ZNF331: variants seen among roughly 807,000 people sequenced by gnomAD.
The protein encoded by ZNF331 is zinc finger protein 331.
Under a neutral mutation model 7.0 loss-of-function variants are expected in ZNF331, and 2 were observed. That is an observed-to-expected ratio of 0.29 (90% CI 0.12 to 0.90). ZNF331 has a LOEUF of 0.90. Ranked by LOEUF, ZNF331 falls within the 40% of genes least tolerant of loss-of-function variation. The pLI, the probability that ZNF331 is intolerant of heterozygous loss-of-function variation, is 0.58. For synonymous variants in ZNF331, 196 were observed against 205.4 expected (o/e 0.95, Z 0.39); for missense variants, 432 against 587.7 (o/e 0.74, Z 2.74).
rs1052577637 is a variant in ZNF331 at position 53,576,785 on chromosome 19, A to T, written c.225A>T (p.Arg75Ser). 1.9e-5 allele frequency: 30 copies of T among 1,613,992 alleles called. No homozygotes were observed. The highest frequency in any genetic ancestry group is 2.5e-5 in the Non-Finnish European group (29 of 1,179,938). The change falls in exon 6 of 6, where the codon AGA becomes AGT. Residue 75 changes from arginine to serine, a missense_variant. Physicochemically the swap from Arg to Ser is moderately radical, Grantham distance 110 (BLOSUM62 -1). This residue lies in a region of ZNF331 where 81 missense variants were observed against 70.3 expected (regional missense o/e 1.15). Coordinates refer to ENST00000449416, the MANE Select transcript of ZNF331 (RefSeq NM_001079906.2). ...CTTCCAAAAGGAATTCAGATAGAAG[A>T]AGTAAATCCCTTGGCCGTAACTGGA... is the stretch of plus-strand genomic sequence containing the variant. ...IRASKRNSDRRSKSLGRNWIC... is the reference protein window; with the variant it reads ...IRASKRNSDRSSKSLGRNWIC...
intron 2 of ZNF331, among the ~76,000 whole-genome samples, chr19:53,540,193 A>G (rs1025160201): frequency 9.9e-5 from 15 of 152,184 alleles, no homozygotes; most frequent in Non-Finnish European, 2.2e-4. Flanking sequence ...TTCTTACCTT[A>G]GTCTGTAACA....
In ZNF331 at chr19:53,553,481, T is replaced by C. The variant is rs536762521; in HGVS notation, c.-137-2364T>C. 1.1e-4 allele frequency among the ~76,000 whole-genome samples: 16 copies of C among 152,328 alleles called. No individual in the cohort carries two copies. The East Asian group carries it at 2.7e-3, about 26-fold the overall frequency. On this transcript the variant is annotated intron_variant, in intron 2 of 5. Transcript: ENST00000449416. Reference sequence around the variant, plus strand: ...CTAAGAATCTACGGTTGTATCAATTTAAAAGAAAAACTTTCCCACACAAGA... The same window carrying C: ...CTAAGAATCTACGGTTGTATCAATTCAAAAGAAAAACTTTCCCACACAAGA...
rs1600520167 is a variant in ZNF331, at chr19:53,576,815, T to G, written c.255T>G (p.Cys85Trp). ...AATCCCTTGGCCGTAACTGGATATG[T>G]GAAGGTACGCTTGAAAGACCACAGC... ...RSKSLGRNWI[C>W]EGTLERPQRS... Residue 85 changes from cysteine (C) to tryptophan (W), a missense_variant, in exon 6 of 6, where the codon TGT becomes TGG. Around this residue, in one of 3 missense-constraint regions of ZNF331, gnomAD observed 81 missense variants for 70.3 expected, o/e 1.15. Transcript: ENST00000449416. The G allele has an allele frequency of 6.2e-7, 1 of 1,614,144 alleles. No individual in the cohort carries two copies. Among genetic ancestry groups the G allele is most frequent in the East Asian group, 2.2e-5 (1 of 44,888 alleles).
intron 5 of ZNF331, among the ~76,000 whole-genome samples, chr19:53,575,218 C>T (rs76929553): frequency 0.042 from 6,303 of 151,860 alleles, 220 homozygotes; most frequent in South Asian, 0.14. Flanking sequence ...GGATTACAGG[C>T]GTGAGCCACT....
intron 2 of ZNF331, among the ~76,000 whole-genome samples, chr19:53,548,362 C>G (rs2088763832): frequency 6.6e-6 from 1 of 152,152 alleles, no homozygotes; most frequent in Non-Finnish European, 1.5e-5. Flanking sequence ...CCACTTGCCT[C>G]AGCCTCCCAA....
chr19:53,541,528 C>A (rs1019312863), intron 2 of ZNF331, among the ~76,000 whole-genome samples: 1 of 152,156 alleles, frequency 6.6e-6, no homozygotes, highest in African/African-American at 2.4e-5. Context: ...CAGCCTCAAT[C>A]TCCTGGGCTA....
At chr19:53,517,436 G>T (rs1286202944), upstream of ZNF331, among the ~76,000 whole-genome samples, 2 of 152,164 alleles carry the variant, frequency 1.3e-5, no homozygotes, top group African/African-American at 2.4e-5. Flanking sequence ...AAGAAGCTGG[G>T]CTTCAGCAGC....
intron 2 of ZNF331, among the ~76,000 whole-genome samples, chr19:53,548,750 G>A (rs1232245008): frequency 6.6e-6 from 1 of 152,142 alleles, no homozygotes; most frequent in Non-Finnish European, 1.5e-5. Context: ...GCGATGTGAA[G>A]GAGAATTTTC....
intron 2 of ZNF331, among the ~76,000 whole-genome samples, chr19:53,528,602 T>C (rs1827718402): frequency 1.3e-5 from 2 of 152,236 alleles, no homozygotes; most frequent in African/African-American, 4.8e-5. Flanking sequence ...GCAGAGCCTG[T>C]GTTCTTAATT....
the ZNF331 span, among the ~76,000 whole-genome samples, chr19:53,506,432 C>CTCTCTCTG: frequency 1.1e-5 from 1 of 91,634 alleles, no homozygotes; most frequent in Non-Finnish European, 2.1e-5. Flanking sequence ...CTCTCTCTCT[C>CTCTCTCTG]TCTCTCTCTC....
At position 53,533,037 on chromosome 19, in the gene ZNF331, CT is replaced by C. The variant is rs377293789; in HGVS notation, c.-204-6176del. On this transcript the variant is annotated intron_variant, in intron 2 of 6. Coordinates refer to the ZNF331 transcript ENST00000253144. ...ATTTTTATTCCGACTTTTATTATTC[CT>C]TTCATTACTATGAGTGTCATTTGTT... 2.6e-4 allele frequency among the ~76,000 whole-genome samples: 39 copies of C among 151,622 alleles called. No individual in the cohort carries two copies. In the South Asian group the frequency reaches 4.4e-3, roughly 17 times the overall value.
chr19:53,539,834 T>C lies in ZNF331; in HGVS notation c.-138+552T>C, dbSNP rs1007390101. Among the ~76,000 whole-genome samples, 1 of 152,200 alleles carries C rather than the reference T, an allele frequency of 6.6e-6. No homozygotes were observed. The highest frequency in any genetic ancestry group is 1.5e-5 in the Non-Finnish European group (1 of 68,034). On this transcript the variant is annotated intron_variant, in intron 2 of 5. Coordinates refer to ENST00000449416, the MANE Select transcript of ZNF331 (RefSeq NM_001079906.2). The surrounding 1 kb of genome is among the most constrained non-coding windows in gnomAD (Gnocchi z 6.1). ...CGAAGGCTGTGTACCTTGACCACAA[T>C]TATTGTTCAGGATGGTGGAAATGGT...
At chr19:53,522,664 T>C (rs12982082) in exon 2 of ZNF331, 48,838 of 152,160 alleles carry the variant, frequency 0.32, 8,004 homozygotes, top group Middle Eastern at 0.42. Flanking sequence ...AAGTGTTATA[T>C]GTCCTAAAGT....
intron 2 of ZNF331, 50 bp from the exon 3 acceptor site, chr19:53,555,795 G>C (rs950019245): frequency 1.3e-5 from 2 of 152,102 alleles, no homozygotes; most frequent in African/African-American, 4.8e-5. Flanking sequence ...ATTTCTCATT[G>C]GTTTTATTAG....
At chr19:53,514,457 T>G in the ZNF331 span, among the ~76,000 whole-genome samples, 1 of 152,066 alleles carries the variant, frequency 6.6e-6, no homozygotes, top group Non-Finnish European at 1.5e-5. Flanking sequence ...CGCCTTGGCC[T>G]CCCGAAGTAC....
chr19:53,503,770 G>A, the ZNF331 span: 97 of 700,064 alleles, frequency 1.4e-4, 1 homozygote, highest in South Asian at 1.4e-3. Flanking sequence ...CCCCAAGCAC[G>A]CTGGCTCCTG....
chr19:53,541,478 TG>T, intron 2 of ZNF331, among the ~76,000 whole-genome samples: 1 of 152,272 alleles, frequency 6.6e-6, no homozygotes, highest in East Asian at 1.9e-4. Context: ...TGTGTTCTGT[TG>T]CCCATGCTGG....
chr19:53,570,863 C>CTT lies in ZNF331; in HGVS notation c.10-731_10-730dup, dbSNP rs1013301254. ...ATCTTCTTTTCTTTTCTTTTCTTTT[C>CTT]TTTTTTTTTTTGAGACAGAGTCTCG... On this transcript the variant is annotated intron_variant, in intron 4 of 5. Coordinates refer to ENST00000449416, the MANE Select transcript of ZNF331 (RefSeq NM_001079906.2). 1.4e-4 allele frequency among the ~76,000 whole-genome samples: 18 copies of CTT among 129,046 alleles called. 1 individual carries two copies. The highest frequency in any genetic ancestry group is 4.5e-4 in the African/African-American group (15 of 33,110). The allele number at this position is 129,046 out of a possible 152,430, so 84.7% of individuals were successfully genotyped here.
the ZNF331 span, chr19:53,503,423 C>G: frequency 1.8e-6 from 1 of 569,104 alleles, no homozygotes; most frequent in Non-Finnish European, 3.2e-6. Flanking sequence ...TGGGAACGAT[C>G]TTCTTATCGC....
Sources: gnomAD v4.1 joint callset for allele counts (sites outside exome capture counted in the v4.1 genomes callset) on GRCh38, gnomAD v4.1.1 for gene constraint, gnomAD v4.1.1 regional missense constraint, Gnocchi (gnomAD v3.1) non-coding constraint, MANE v1.5 for transcripts, NCBI Gene and HGNC (gene_info 2026-07-23, HGNC 2026-07-21) for gene names.